Variants in HERC4 observed in about 807,000 individuals in gnomAD.
HERC4 encodes the protein probable E3 ubiquitin-protein ligase HERC4.
Under a neutral mutation model 124.3 loss-of-function variants are expected in HERC4, and 28 were observed. That is an observed-to-expected ratio of 0.23 (90% confidence interval 0.17 to 0.31). The LOEUF is 0.31. Among genes scored for constraint, HERC4 ranks in the 10% least tolerant of loss-of-function variants. The probability of loss-of-function intolerance (pLI) is 1.00; values close to 1 mark genes in which losing one functional copy is unlikely to be tolerated. For missense variants in HERC4, 713 were observed against 1,229.3 expected (o/e 0.58, Z 6.28); for synonymous variants, 407 against 421.5 (o/e 0.97, Z 0.42).
chr10:68,046,062 C>T (rs1023468695), intron 3 of HERC4, among the ~76,000 whole-genome samples: 6 of 150,952 alleles, frequency 4.0e-5, no homozygotes, highest in Non-Finnish European at 8.8e-5. Context: ...TTTTGTATAG[C>T]TTTTAAAAAA....
chr10:67,972,798 C>G (rs903501843), intron 15 of HERC4, among the ~76,000 whole-genome samples: 1 of 152,012 alleles, frequency 6.6e-6, no homozygotes, highest in African/African-American at 2.4e-5. Flanking sequence ...ATTGCAAAAA[C>G]CAAAATTTGA....
chr10:68,051,007 T>C (rs943864497), intron 3 of HERC4, among the ~76,000 whole-genome samples: 2 of 151,900 alleles, frequency 1.3e-5, no homozygotes, highest in Non-Finnish European at 2.9e-5. Context: ...CCAAAGTACA[T>C]TTACCTTTAA....
intron 3 of HERC4, among the ~76,000 whole-genome samples, chr10:68,059,892 ATAT>A (rs1466237290): frequency 4.8e-4 from 36 of 74,708 alleles, no homozygotes; most frequent in East Asian, 1.1e-3. Flanking sequence ...ATATATCATA[ATAT>A]TATATATTAT....
intron 15 of HERC4, among the ~76,000 whole-genome samples, chr10:67,981,491 C>G (rs1026738597): frequency 1.3e-5 from 2 of 152,080 alleles, no homozygotes; most frequent in African/African-American, 4.8e-5. Context: ...GACAGAAAAC[C>G]AACAAAGAAA....
chr10:68,002,775 T>G (rs2037308311), intron 9 of HERC4, among the ~76,000 whole-genome samples: 1 of 152,004 alleles, frequency 6.6e-6, no homozygotes, highest in Non-Finnish European at 1.5e-5. Flanking sequence ...ATTTTTTGTA[T>G]TTTTAGTTCA....
At chr10:67,927,572 TACACC>T in intron 23 of HERC4, among the ~76,000 whole-genome samples, 1 of 151,332 alleles carries the variant, frequency 6.6e-6, no homozygotes, top group East Asian at 2.0e-4. Flanking sequence ...ATTACAGGCC[TACACC>T]ACCACACCCA....
At chr10:68,001,013 C>A (rs1425005350) in intron 9 of HERC4, among the ~76,000 whole-genome samples, 1 of 152,096 alleles carries the variant, frequency 6.6e-6, no homozygotes, top group Non-Finnish European at 1.5e-5. Context: ...GAAAGGTGTG[C>A]CCCTTGCCTG....
intron 9 of HERC4, chr10:67,995,240 G>A: frequency 2.2e-6 from 1 of 455,234 alleles, no homozygotes; most frequent in South Asian, 1.6e-5. Flanking sequence ...CCTTTGAGAA[G>A]AATTTTCACT....
At chr10:68,023,676 A>G (rs1389613897) in intron 8 of HERC4, among the ~76,000 whole-genome samples, 1 of 152,220 alleles carries the variant, frequency 6.6e-6, no homozygotes, top group East Asian at 1.9e-4. Context: ...CATGGACTGT[A>G]TACTTAAAAA....
intron 8 of HERC4, among the ~76,000 whole-genome samples, chr10:68,014,440 G>T (rs562337910): frequency 1.3e-5 from 2 of 152,130 alleles, no homozygotes; most frequent in South Asian, 4.2e-4. Context: ...AACAGCCTGG[G>T]TCTATACTGA....
chr10:68,072,767 C>G, intron 3 of HERC4, 116 bp downstream of exon 3: 2 of 659,968 alleles, frequency 3.0e-6, no homozygotes, highest in Non-Finnish European at 4.9e-6. Flanking sequence ...ATAACTTCTA[C>G]TTTGCTTTTA....
Position 67,954,626 on chromosome 10 carries a change from T to C in HERC4, c.2306A>G (p.Glu769Gly). 1 of 1,613,330 alleles carries C rather than the reference T, an allele frequency of 6.2e-7. No individual in the cohort carries two copies. Among genetic ancestry groups the C allele is most frequent in the Non-Finnish European group, 8.5e-7 (1 of 1,179,578 alleles). The change falls in exon 19 of 25, where the codon GAA becomes GGA. Residue 769 changes from glutamate (E) to glycine (G), a missense_variant. Glu to Gly is a moderately conservative substitution (Grantham distance 98, BLOSUM62 -2). Transcript: ENST00000373700. ...DPKYGMFRYY[E>G]DSRLIWFSDK... ...AGAAAACCAAATGAGCCTGGAATCTTCATAATACCTAAACATGCCGTATTT... is the reference window on the plus strand; with the variant it reads ...AGAAAACCAAATGAGCCTGGAATCTCCATAATACCTAAACATGCCGTATTT...
chr10:67,977,527 G>C (rs1221648394), intron 15 of HERC4, among the ~76,000 whole-genome samples: 1 of 152,072 alleles, frequency 6.6e-6, no homozygotes, highest in Non-Finnish European at 1.5e-5. Flanking sequence ...TGAGAAAAGT[G>C]GAGGAAAAGT....
At chr10:68,024,169 C>G (rs2038786130) in intron 8 of HERC4, among the ~76,000 whole-genome samples, 1 of 151,874 alleles carries the variant, frequency 6.6e-6, no homozygotes, top group Non-Finnish European at 1.5e-5. Context: ...ATGTAAGTGG[C>G]CAATAAACAT....
chr10:68,072,817 C>T (rs2041636912), intron 3 of HERC4, 66 bp downstream of exon 3: 13 of 1,119,236 alleles, frequency 1.2e-5, no homozygotes, highest in Middle Eastern at 2.8e-4. Context: ...AGAAATTATA[C>T]GATGATTCAA....
chr10:67,948,034 C>T (rs954236022), intron 19 of HERC4, among the ~76,000 whole-genome samples: 3 of 151,484 alleles, frequency 2.0e-5, no homozygotes, highest in African/African-American at 7.3e-5. Context: ...GAAGAAATCA[C>T]AAGGGAAATT....
At chr10:67,983,936 C>T (rs1178760608) in intron 15 of HERC4, among the ~76,000 whole-genome samples, 2 of 151,972 alleles carry the variant, frequency 1.3e-5, no homozygotes, top group African/African-American at 2.4e-5. Flanking sequence ...GCACTCCAGC[C>T]CTGGCAATAG....
intron 8 of HERC4, among the ~76,000 whole-genome samples, chr10:68,017,724 G>C (rs1409805145): frequency 6.6e-6 from 1 of 152,116 alleles, no homozygotes; most frequent in Non-Finnish European, 1.5e-5. Context: ...CCTGACCTCA[G>C]GTGATCAGTC....
At chr10:67,981,390 T>C (rs2035919963) in intron 15 of HERC4, among the ~76,000 whole-genome samples, 2 of 152,026 alleles carry the variant, frequency 1.3e-5, no homozygotes, top group Non-Finnish European at 2.9e-5. Flanking sequence ...ACAAAGCAAA[T>C]ATTATTAGAG....
Sources: allele counts gnomAD v4.1 joint callset (sites outside exome capture counted in the v4.1 genomes callset), GRCh38; gene constraint gnomAD v4.1.1; transcripts MANE v1.5; gene names NCBI Gene and HGNC (gene_info 2026-07-23, HGNC 2026-07-21).